SWT1: variants seen among roughly 807,000 people sequenced by gnomAD.
SWT1 encodes transcriptional protein SWT1.
SWT1 carries 33 observed loss-of-function variants against 107.3 expected under a neutral mutation model. That is an observed-to-expected ratio of 0.31 (90% CI 0.23 to 0.41). The LOEUF (loss-of-function observed/expected upper bound fraction) is 0.41, where lower values mean the gene tolerates loss of function less well. Ranked by LOEUF, SWT1 falls within the 10% of genes least tolerant of loss-of-function variation. The pLI is 1.00. For missense variants in SWT1, 898 were observed against 1,028.9 expected (o/e 0.87, Z 1.74); for synonymous variants, 345 against 348.3 (o/e 0.99, Z 0.11).
At chr1:185,257,669 T>C (rs544379122) in intron 16 of SWT1, among the ~76,000 whole-genome samples, 4 of 152,334 alleles carry the variant, frequency 2.6e-5, no homozygotes, top group South Asian at 2.1e-4. Flanking sequence ...CACTGACCTG[T>C]GCCCACTGTC....
intron 13 of SWT1, among the ~76,000 whole-genome samples, chr1:185,211,203 G>A (rs776800836): frequency 4.6e-5 from 7 of 151,896 alleles, no homozygotes; most frequent in African/African-American, 1.5e-4. Context: ...TTTAAATTTC[G>A]TATGGAACCA....
chr1:185,228,542 G>T (rs1174283489), intron 15 of SWT1, among the ~76,000 whole-genome samples: 1 of 152,090 alleles, frequency 6.6e-6, no homozygotes, highest in Non-Finnish European at 1.5e-5. Flanking sequence ...ACATTTTCAA[G>T]TGAAGGACCT....
intron 17 of SWT1, among the ~76,000 whole-genome samples, chr1:185,274,586 A>G (rs1271969772): frequency 6.6e-6 from 1 of 152,142 alleles, no homozygotes; most frequent in Non-Finnish European, 1.5e-5. Context: ...GAGTTTGACT[A>G]TTTTTATACT....
chr1:185,223,709 A>G (rs992414659), intron 15 of SWT1, among the ~76,000 whole-genome samples: 1 of 152,170 alleles, frequency 6.6e-6, no homozygotes, highest in Non-Finnish European at 1.5e-5. Context: ...GTAAACTTGT[A>G]TCATGGGAGT....
intron 9 of SWT1, among the ~76,000 whole-genome samples, chr1:185,186,846 C>G (rs2102395202): frequency 6.6e-6 from 1 of 151,864 alleles, no homozygotes; most frequent in East Asian, 1.9e-4. Flanking sequence ...CCTCCACCTC[C>G]CGGGTTCAAG....
At chr1:185,165,957 G>A (rs1654533338) in intron 2 of SWT1, among the ~76,000 whole-genome samples, 1 of 152,178 alleles carries the variant, frequency 6.6e-6, no homozygotes, top group Admixed American at 6.5e-5. Context: ...AAAATGGCGA[G>A]TCTTCCCCTC....
intron 2 of SWT1, among the ~76,000 whole-genome samples, chr1:185,164,018 T>C (rs1219703888): frequency 6.6e-6 from 1 of 152,150 alleles, no homozygotes; most frequent in South Asian, 2.1e-4. Flanking sequence ...AATAATCAGG[T>C]GTGAAAGTTA....
intron 2 of SWT1, 79 bp downstream of exon 2, chr1:185,161,004 T>A: frequency 9.9e-7 from 1 of 1,013,630 alleles, no homozygotes; most frequent in Non-Finnish European, 1.5e-6. Context: ...CTTACTATTA[T>A]AATGATTTAT....
intron 16 of SWT1, among the ~76,000 whole-genome samples, chr1:185,235,620 A>G (rs1345593183): frequency 6.6e-6 from 1 of 152,180 alleles, no homozygotes; most frequent in African/African-American, 2.4e-5. Flanking sequence ...TGAATGGGCA[A>G]AAACTGAAAG....
chr1:185,277,128 A>G (rs760775914), intron 18 of SWT1, among the ~76,000 whole-genome samples: 1 of 152,212 alleles, frequency 6.6e-6, no homozygotes, highest in Non-Finnish European at 1.5e-5. Context: ...AATAGAAGGC[A>G]GTGGGATTCT....
chr1:185,179,526 T>C (rs1216037508), intron 5 of SWT1, among the ~76,000 whole-genome samples: 1 of 152,222 alleles, frequency 6.6e-6, no homozygotes, highest in African/African-American at 2.4e-5. Flanking sequence ...CCTGGTGCTC[T>C]AACTACATAT....
At chr1:185,231,539 ATG>A (rs1558059773) in intron 15 of SWT1, 36 bp from the exon 16 acceptor site, 1 of 1,467,172 alleles carries the variant, frequency 6.8e-7, no homozygotes, top group Admixed American at 1.8e-5. Context: ...TTAAATATGT[ATG>A]TATACCTATG....
At chr1:185,227,492 C>T in intron 15 of SWT1, 2 of 562,492 alleles carry the variant, frequency 3.6e-6, no homozygotes, top group South Asian at 3.3e-5. Flanking sequence ...ATATCCCTCT[C>T]TATACGAGCA....
chr1:185,255,876 T>C (rs982060383), intron 16 of SWT1, among the ~76,000 whole-genome samples: 1,991 of 150,922 alleles, frequency 0.013, 48 homozygotes, highest in African/African-American at 0.045. Flanking sequence ...TTCCTAGTCT[T>C]GATGGTCTTT....
intron 12 of SWT1, among the ~76,000 whole-genome samples, chr1:185,206,209 G>C (rs567867137): frequency 1.3e-5 from 2 of 151,982 alleles, no homozygotes; most frequent in Non-Finnish European, 2.9e-5. Context: ...CGCCCACGTC[G>C]GCCTCCCAAA....
In SWT1 at chr1:185,174,784, C is replaced by T; in HGVS notation, c.637C>T (p.Gln213Ter). ...LEKWKRNQFS[Q>*]DYNSNKIIKE... Reference sequence around the variant, plus strand: ...GAAATGGAAGAGAAATCAATTTTCTCAGGATTATAACTCCAACAAGATAAT... The same window carrying T: ...GAAATGGAAGAGAAATCAATTTTCTTAGGATTATAACTCCAACAAGATAAT... The change falls in exon 5 of 19, where the codon CAG (glutamine) becomes TAG (stop). Residue 213 changes from glutamine to a stop codon, truncating the protein, a stop_gained. Coordinates refer to ENST00000367500, the MANE Select transcript of SWT1 (RefSeq NM_017673.7). LOFTEE classifies it high-confidence loss of function. 4 of 1,610,712 alleles carry T rather than the reference C, an allele frequency of 2.5e-6. No individual in the cohort carries two copies. The highest frequency in any genetic ancestry group is 3.4e-6 in the Non-Finnish European group (4 of 1,179,292).
chr1:185,182,660 C>G (rs567147572), intron 7 of SWT1, among the ~76,000 whole-genome samples: 1 of 118,984 alleles, frequency 8.4e-6, no homozygotes, highest in Admixed American at 9.6e-5. Context: ...ACAAGACCCT[C>G]TCTCTCTCAA....
intron 16 of SWT1, among the ~76,000 whole-genome samples, chr1:185,233,755 A>T (rs563452085): frequency 1.7e-3 from 260 of 151,928 alleles, no homozygotes; most frequent in Non-Finnish European, 3.3e-3. Context: ...TTATTTATTT[A>T]TTTTTTGAGA....
intron 16 of SWT1, among the ~76,000 whole-genome samples, chr1:185,246,056 C>G (rs1184580136): frequency 6.6e-6 from 1 of 152,134 alleles, no homozygotes; most frequent in African/African-American, 2.4e-5. Context: ...GTGTGAGCCA[C>G]CGCACCCAGT....
Sources: gnomAD v4.1 joint callset for allele counts (sites outside exome capture counted in the v4.1 genomes callset) on GRCh38, gnomAD v4.1.1 for gene constraint, MANE v1.5 for transcripts, NCBI Gene and HGNC (gene_info 2026-07-23, HGNC 2026-07-21) for gene names.